ANKS1B: variants seen among roughly 807,000 people sequenced by gnomAD.
ANKS1B encodes the protein ankyrin repeat and sterile alpha motif domain-containing protein 1B.
ANKS1B carries 36 observed loss-of-function variants against 148.3 expected under a neutral mutation model. That is an observed-to-expected ratio of 0.24 (90% CI 0.19 to 0.32). ANKS1B has a LOEUF of 0.32. Ranked by LOEUF, ANKS1B falls within the 10% of genes least tolerant of loss-of-function variation. ANKS1B has a pLI of 1.00. For missense variants in ANKS1B, 1,157 were observed against 1,542.6 expected, an observed-to-expected ratio of 0.75 and a Z score of 4.19; for synonymous variants, 542 against 560.8, an observed-to-expected ratio of 0.97 and a Z score of 0.47.
chr12:99,645,187 A>ATATGGGTT (rs2098348918), intron 9 of ANKS1B, among the ~76,000 whole-genome samples: 1 of 152,222 alleles, frequency 6.6e-6, no homozygotes, highest in African/African-American at 2.4e-5. Context: ...CATATTTTCA[A>ATATGGGTT]TTACATAGTT....
At chr12:99,292,672 C>G (rs1166350008) in intron 12 of ANKS1B, among the ~76,000 whole-genome samples, 1 of 152,052 alleles carries the variant, frequency 6.6e-6, no homozygotes, top group Non-Finnish European at 1.5e-5. Flanking sequence ...GAAACTACCC[C>G]ATCAAAAAGT....
intron 17 of ANKS1B, among the ~76,000 whole-genome samples, chr12:98,946,666 T>C (rs1234017348): frequency 6.6e-6 from 1 of 152,110 alleles, no homozygotes; most frequent in African/African-American, 2.4e-5. Context: ...AAATGTGATT[T>C]GGCTCACACT....
At chr12:99,607,197 G>T (rs550434885) in intron 9 of ANKS1B, among the ~76,000 whole-genome samples, 1 of 152,142 alleles carries the variant, frequency 6.6e-6, no homozygotes, top group East Asian at 1.9e-4. Context: ...CTTCACCATA[G>T]CCTCCTTCCC....
chr12:99,655,637 A>G (rs2098446415), intron 8 of ANKS1B, among the ~76,000 whole-genome samples: 1 of 152,196 alleles, frequency 6.6e-6, no homozygotes, highest in South Asian at 2.1e-4. Flanking sequence ...TGCCACTGAA[A>G]TAAAACTTTA....
At chr12:99,696,473 G>C (rs1016637687) in intron 8 of ANKS1B, among the ~76,000 whole-genome samples, 3 of 152,076 alleles carry the variant, frequency 2.0e-5, no homozygotes, top group African/African-American at 7.2e-5. Context: ...AGCAAAGCAA[G>C]TCAATGTAGA....
At chr12:99,777,936 C>A (rs1053087158) in intron 6 of ANKS1B, among the ~76,000 whole-genome samples, 1 of 151,686 alleles carries the variant, frequency 6.6e-6, no homozygotes, top group African/African-American at 2.4e-5. Context: ...CGGTAGCTCA[C>A]GCCTGTAATC....
chr12:98,815,105 A>G (rs1037996649), intron 19 of ANKS1B, among the ~76,000 whole-genome samples: 1 of 151,914 alleles, frequency 6.6e-6, no homozygotes, highest in African/African-American at 2.4e-5. Context: ...ACAATAAATT[A>G]TCTCCCCTTC....
At chr12:98,920,359 G>A (rs184588873) in intron 17 of ANKS1B, among the ~76,000 whole-genome samples, 8 of 152,262 alleles carry the variant, frequency 5.3e-5, no homozygotes, top group East Asian at 1.9e-4. Flanking sequence ...GTATTAGTCC[G>A]TTTTCATGCT....
At chr12:99,011,102 T>C (rs1033232356) in intron 17 of ANKS1B, among the ~76,000 whole-genome samples, 11 of 152,018 alleles carry the variant, frequency 7.2e-5, no homozygotes, top group African/African-American at 2.7e-4. Context: ...AATGCTCACC[T>C]TCACCTCCCA....
At chr12:99,596,382 G>C (rs1369897990) in intron 9 of ANKS1B, among the ~76,000 whole-genome samples, 1 of 151,678 alleles carries the variant, frequency 6.6e-6, no homozygotes, top group African/African-American at 2.4e-5. Flanking sequence ...TGTGTGTCCT[G>C]TGTGTGCCTC....
At chr12:99,651,910 T>C (rs1052255972) in intron 9 of ANKS1B, among the ~76,000 whole-genome samples, 19 of 151,786 alleles carry the variant, frequency 1.3e-4, no homozygotes, top group South Asian at 2.1e-4. Context: ...TATGTGTGTA[T>C]GTGTATATAC....
intron 12 of ANKS1B, among the ~76,000 whole-genome samples, chr12:99,324,472 C>G (rs1000066138): frequency 6.6e-6 from 1 of 152,050 alleles, no homozygotes; most frequent in African/African-American, 2.4e-5. Context: ...TTGCTTTTCT[C>G]TGGAGCACAC....
intron 25 of ANKS1B, among the ~76,000 whole-genome samples, chr12:98,762,235 C>T (rs937702234): frequency 1.3e-5 from 2 of 152,226 alleles, no homozygotes; most frequent in African/African-American, 4.8e-5. Context: ...GGCTACCTAC[C>T]TACAGCACCT....
Position 99,828,914 on chromosome 12 carries a change from C to T in ANKS1B, c.135-3525G>A, listed in dbSNP as rs60780760. Among the ~76,000 whole-genome samples, 249 of 151,810 alleles carry T rather than the reference C, an allele frequency of 1.6e-3. 8 individuals carry two copies. The East Asian group carries it at 0.042, about 25-fold the overall frequency. On this transcript the variant is annotated intron_variant, in intron 1 of 26. Transcript: ENST00000683438. ...AGGAGAATCGACTGAACCCAGGAGG[C>T]GGAAGTTGAAGTGAGTCAAGATCGC... is the stretch of plus-strand genomic sequence containing the variant.
intron 20 of ANKS1B, 115 bp downstream of exon 20, chr12:98,807,729 G>T: frequency 2.8e-6 from 2 of 712,352 alleles, no homozygotes; most frequent in Non-Finnish European, 4.5e-6. Context: ...GGAGTCACCA[G>T]ACATTACAAA....
intron 1 of ANKS1B, among the ~76,000 whole-genome samples, chr12:99,967,323 C>G (rs2095496424): frequency 6.6e-6 from 1 of 152,132 alleles, no homozygotes; most frequent in Non-Finnish European, 1.5e-5. Flanking sequence ...AATAAGGAAA[C>G]TGAAGCCCAA....
At chr12:99,349,462 G>A (rs1413881658) in intron 12 of ANKS1B, among the ~76,000 whole-genome samples, 2 of 151,822 alleles carry the variant, frequency 1.3e-5, no homozygotes, top group Admixed American at 6.6e-5. Context: ...GACACAAATA[G>A]GTTGAAAGTT....
At chr12:99,060,311 G>T (rs1220855734) in intron 16 of ANKS1B, among the ~76,000 whole-genome samples, 1 of 151,964 alleles carries the variant, frequency 6.6e-6, no homozygotes, top group Non-Finnish European at 1.5e-5. Flanking sequence ...AACATCACAG[G>T]TGGTACAGCA....
At chr12:99,327,167 AATTAT>A (rs1276550576) in intron 12 of ANKS1B, among the ~76,000 whole-genome samples, 1 of 119,878 alleles carries the variant, frequency 8.3e-6, no homozygotes, top group African/African-American at 3.3e-5. Flanking sequence ...TATAATATAT[AATTAT>A]ATTATATATT....
Sources: allele counts gnomAD v4.1 joint callset (sites outside exome capture counted in the v4.1 genomes callset), GRCh38; gene constraint gnomAD v4.1.1; transcripts MANE v1.5; gene names NCBI Gene and HGNC (gene_info 2026-07-23, HGNC 2026-07-21).